Variants in PTPRD observed in about 807,000 individuals in gnomAD.
PTPRD encodes receptor-type tyrosine-protein phosphatase delta.
Under a neutral mutation model 214.5 loss-of-function variants are expected in PTPRD, and 34 were observed. The ratio of observed to expected loss-of-function variants is 0.16; its 90% CI spans 0.12 to 0.21. The LOEUF (loss-of-function observed/expected upper bound fraction) is 0.21, where lower values mean the gene tolerates loss of function less well. PTPRD is among the 10% of genes least tolerant of loss of function. The pLI, the probability that PTPRD is intolerant of heterozygous loss-of-function variation, is 1.00. For synonymous variants in PTPRD, 1,128 were observed against 845.7 expected, an observed-to-expected ratio of 1.33 and a Z score of -5.79; for missense variants, 2,545 against 2,398.7, an observed-to-expected ratio of 1.06 and a Z score of -1.27.
At chr9:8,337,133 A>G (rs1443571746) in intron 43 of PTPRD, among the ~76,000 whole-genome samples, 8 of 152,338 alleles carry the variant, frequency 5.3e-5, no homozygotes, top group Admixed American at 2.0e-4. Flanking sequence ...ATTCTACTAT[A>G]AAGACACATG....
chr9:8,984,483 C>A (rs2099329408), intron 11 of PTPRD, among the ~76,000 whole-genome samples: 1 of 152,018 alleles, frequency 6.6e-6, no homozygotes, highest in East Asian at 1.9e-4. Context: ...AAGCATCATA[C>A]TGATGGAAAT....
At chr9:10,332,351 G>C (rs1043548055) in intron 3 of PTPRD, among the ~76,000 whole-genome samples, 3 of 151,838 alleles carry the variant, frequency 2.0e-5, no homozygotes, top group Non-Finnish European at 4.4e-5. Flanking sequence ...AAAGAGGCTT[G>C]ACATTCAGCA....
intron 5 of PTPRD, among the ~76,000 whole-genome samples, chr9:9,881,570 C>A (rs548355603): frequency 1.3e-5 from 2 of 152,166 alleles, no homozygotes; most frequent in East Asian, 3.9e-4. Flanking sequence ...TAAAGAACTC[C>A]CAATTATACA....
intron 7 of PTPRD, among the ~76,000 whole-genome samples, chr9:9,647,602 G>T (rs1014201837): frequency 6.6e-6 from 1 of 152,080 alleles, no homozygotes; most frequent in Admixed American, 6.6e-5. Flanking sequence ...ATCAAATTTT[G>T]TTTATGGTCA....
At chr9:9,263,374 C>T (rs546125932) in intron 9 of PTPRD, among the ~76,000 whole-genome samples, 4 of 151,682 alleles carry the variant, frequency 2.6e-5, no homozygotes, top group Non-Finnish European at 5.9e-5. Context: ...AAAGCACCTT[C>T]TCAGTTTAGT....
intron 10 of PTPRD, among the ~76,000 whole-genome samples, chr9:9,055,560 A>G (rs1426149475): frequency 6.6e-6 from 1 of 152,138 alleles, no homozygotes; most frequent in Non-Finnish European, 1.5e-5. Context: ...ACAAGAGTAG[A>G]CACAGGAGAC....
intron 5 of PTPRD, among the ~76,000 whole-genome samples, chr9:9,897,125 TACACTTACACAC>T (rs2075192706): frequency 2.4e-5 from 1 of 42,336 alleles, no homozygotes; most frequent in Admixed American, 3.6e-4. Flanking sequence ...AAACATCTCT[TACACTTACACAC>T]ACACACACAC....
At chr9:10,455,620 G>T (rs1384190709) in intron 2 of PTPRD, among the ~76,000 whole-genome samples, 2 of 151,252 alleles carry the variant, frequency 1.3e-5, no homozygotes, top group Admixed American at 6.6e-5. Flanking sequence ...CTCCCCTTTT[G>T]TCTCTCCCAT....
At chr9:10,417,653 ATGT>A (rs1203603320) in intron 2 of PTPRD, among the ~76,000 whole-genome samples, 2 of 151,774 alleles carry the variant, frequency 1.3e-5, no homozygotes, top group Admixed American at 1.3e-4. Flanking sequence ...TTAGTAATGC[ATGT>A]TATTACTTAA....
At chr9:9,889,183 G>A (rs1291210670) in intron 5 of PTPRD, among the ~76,000 whole-genome samples, 2 of 151,892 alleles carry the variant, frequency 1.3e-5, no homozygotes, top group African/African-American at 4.8e-5. Flanking sequence ...GACAGGAGGA[G>A]AATTATTTAT....
In PTPRD at chr9:8,484,178, G is replaced by A. The variant is rs758701736; in HGVS notation, c.3354C>T (p.Thr1118=). 6 of 1,613,996 alleles carry A rather than the reference G, an allele frequency of 3.7e-6. No homozygotes were observed. The highest frequency in any genetic ancestry group is 5.1e-6 in the Non-Finnish European group (6 of 1,180,016). Residue 1118 remains threonine (T), a synonymous_variant, in exon 30 of 46, where the codon ACC becomes ACT. Coordinates refer to ENST00000381196, the MANE Select transcript of PTPRD (RefSeq NM_002839.4). ...LRTKPAFIGK[T]NLDGMITVQL... ...GCACAGTAATCATGCCATCCAAGTT[G>A]GTCTTCCCAATGAAGGCAGGCTTGG...
chr9:9,232,067 C>G (rs1375580170), intron 9 of PTPRD, among the ~76,000 whole-genome samples: 1 of 152,152 alleles, frequency 6.6e-6, no homozygotes, highest in Non-Finnish European at 1.5e-5. Context: ...TACAGTGTCA[C>G]TATTCACTTG....
chr9:8,376,530 G>C (rs2083301155), intron 38 of PTPRD, 77 bp downstream of exon 38: 2 of 1,589,012 alleles, frequency 1.3e-6, no homozygotes, highest in Non-Finnish European at 1.7e-6. Context: ...AAAGCCTTAA[G>C]AGATTTCATT....
At chr9:8,890,172 T>C (rs1191033846) in intron 11 of PTPRD, among the ~76,000 whole-genome samples, 7 of 152,178 alleles carry the variant, frequency 4.6e-5, no homozygotes, top group Non-Finnish European at 1.0e-4. Flanking sequence ...CAAAAATATA[T>C]AAATATCTAA....
chr9:8,633,361 T>C lies in PTPRD; in HGVS notation c.308A>G (p.Asn103Ser). 6.2e-7 allele frequency: 1 copy of C among 1,612,756 alleles called. No individual in the cohort carries two copies. Among genetic ancestry groups the C allele is most frequent in the Non-Finnish European group, 8.5e-7 (1 of 1,179,084 alleles). Residue 103 changes from asparagine to serine, a missense_variant, in exon 14 of 46, where the codon AAT becomes AGT. By Grantham distance (46) the Asn-to-Ser change is conservative (BLOSUM62 1). Coordinates refer to ENST00000381196, the MANE Select transcript of PTPRD (RefSeq NM_002839.4). The part of the protein sequence containing the change: ...EAIYECVASN[N>S]VGEISVSTRL... Reference sequence around the variant, plus strand: ...GGTGGATACACTTATTTCTCCCACATTATTTGAGGCCACACATTCATAAAT... The same window carrying C: ...GGTGGATACACTTATTTCTCCCACACTATTTGAGGCCACACATTCATAAAT...
At chr9:9,788,548 T>C (rs1276965091) in intron 5 of PTPRD, among the ~76,000 whole-genome samples, 2 of 59,662 alleles carry the variant, frequency 3.4e-5, no homozygotes, top group East Asian at 2.6e-4. Context: ...AGAAGCTCCG[T>C]CTCAAAAAAA....
chr9:9,228,873 G>A (rs1460040725), intron 9 of PTPRD, among the ~76,000 whole-genome samples: 1 of 151,992 alleles, frequency 6.6e-6, no homozygotes, highest in African/African-American at 2.4e-5. Flanking sequence ...ATTCTAATAA[G>A]CAGGCTCCAC....
chr9:9,226,061 C>A (rs1471023731), intron 9 of PTPRD, among the ~76,000 whole-genome samples: 1 of 151,906 alleles, frequency 6.6e-6, no homozygotes, highest in Non-Finnish European at 1.5e-5. Context: ...TCAATTGGGT[C>A]AAATTTATCA....
At chr9:10,172,008 A>G (rs12552893) in intron 3 of PTPRD, among the ~76,000 whole-genome samples, 2 of 152,190 alleles carry the variant, frequency 1.3e-5, no homozygotes, top group Non-Finnish European at 2.9e-5. Context: ...TTCCAGCCTC[A>G]TAAGAATTTA....
Sources: gnomAD v4.1 joint callset for allele counts (sites outside exome capture counted in the v4.1 genomes callset) on GRCh38, gnomAD v4.1.1 for gene constraint, MANE v1.5 for transcripts, NCBI Gene and HGNC (gene_info 2026-07-23, HGNC 2026-07-21) for gene names.